Variants in RAB3B observed in about 807,000 individuals in gnomAD.
The protein encoded by RAB3B is ras-related protein Rab-3B.
RAB3B carries 11 observed loss-of-function variants against 20.5 expected under a neutral mutation model. The observed-to-expected ratio is 0.54, with a 90% CI of 0.34 to 0.89. The LOEUF (loss-of-function observed/expected upper bound fraction) is 0.89, where lower values mean the gene tolerates loss of function less well. Among genes scored for constraint, RAB3B ranks in the 40% least tolerant of loss-of-function variants. The pLI is 0.02. For missense variants in RAB3B, 225 were observed against 280.9 expected, an observed-to-expected ratio of 0.80 and a Z score of 1.42; for synonymous variants, 99 against 106.3, an observed-to-expected ratio of 0.93 and a Z score of 0.42.
At chr1:51,977,192 C>T (rs905319966) in intron 1 of RAB3B, 75 bp from the exon 2 acceptor site, 2 of 1,082,308 alleles carry the variant, frequency 1.8e-6, no homozygotes, top group East Asian at 4.8e-5. Flanking sequence ...CTAATGGTCA[C>T]CCCACCATTC....
chr1:51,924,116 G>A (rs1684211164), intron 4 of RAB3B, among the ~76,000 whole-genome samples: 1 of 152,142 alleles, frequency 6.6e-6, no homozygotes, highest in South Asian at 2.1e-4. Context: ...GAATTAAGGA[G>A]GTGGGAATGA....
At chr1:51,979,363 T>G (rs528451349) in intron 1 of RAB3B, among the ~76,000 whole-genome samples, 3 of 150,994 alleles carry the variant, frequency 2.0e-5, no homozygotes, top group African/African-American at 7.3e-5. Flanking sequence ...CTCTGCCCCC[T>G]GAGTTCAAGC....
At chr1:51,934,454 A>G (rs749191813) in intron 3 of RAB3B, among the ~76,000 whole-genome samples, 1 of 152,174 alleles carries the variant, frequency 6.6e-6, no homozygotes, top group Admixed American at 6.5e-5. Flanking sequence ...TTACCTTCAT[A>G]TAAGATGATT....
At position 51,918,585 on chromosome 1, in the gene RAB3B, T is replaced by G. The variant is rs891504389; in HGVS notation, c.*1342A>C. The G allele has an allele frequency of 1.3e-5, 2 of 152,180 alleles. No homozygotes were observed. Among genetic ancestry groups the G allele is most frequent in the Non-Finnish European group, 2.9e-5 (2 of 68,048 alleles). The allele number at this position is 152,180 out of a possible 1,614,324, so 9.4% of individuals were successfully genotyped here. A position where few individuals can be genotyped will look rare whatever the true frequency, so the allele number is the denominator to read the frequency against. On this transcript the variant is annotated 3_prime_UTR_variant, in exon 5 of 5. Coordinates refer to ENST00000371655, the MANE Select transcript of RAB3B (RefSeq NM_002867.4). ...ATTTGAGCTCGATACAAGGAAAACT[T>G]TCTATGAGAGTTGACAAAGATGGTG...
At position 51,918,532 on chromosome 1, in the gene RAB3B, A is replaced by G. The variant is rs2124225972; in HGVS notation, c.*1395T>C. ...GCAGAGCTGGTACCAACAGGGAGGG[A>G]AGAAGAAGAAGAATTTCCAGGAGGC... On this transcript the variant is annotated 3_prime_UTR_variant, in exon 5 of 5. Transcript: ENST00000371655. The G allele has an allele frequency of 6.6e-6, 1 of 152,304 alleles. No homozygotes were observed. 9.4% of individuals were successfully genotyped at this position (152,304 alleles called of 1,614,324 possible).
chr1:51,925,202 T>A (rs1684228624), intron 4 of RAB3B, among the ~76,000 whole-genome samples: 1 of 152,166 alleles, frequency 6.6e-6, no homozygotes, highest in South Asian at 2.1e-4. Flanking sequence ...CCCTTCTCCA[T>A]CCTGCTCTGA....
At chr1:51,941,419 G>A (rs938455431) in intron 2 of RAB3B, among the ~76,000 whole-genome samples, 3 of 152,148 alleles carry the variant, frequency 2.0e-5, no homozygotes, top group Non-Finnish European at 4.4e-5. Flanking sequence ...GAAGAGATAG[G>A]AGGCAGGAAG....
intron 2 of RAB3B, among the ~76,000 whole-genome samples, chr1:51,960,642 C>G (rs1684772535): frequency 6.6e-6 from 1 of 152,154 alleles, no homozygotes; most frequent in South Asian, 2.1e-4. Flanking sequence ...CAGGCAGGTT[C>G]CAAGCAGGCT....
chr1:51,939,575 A>C (rs1684461605), intron 2 of RAB3B, among the ~76,000 whole-genome samples: 1 of 152,104 alleles, frequency 6.6e-6, no homozygotes, highest in African/African-American at 2.4e-5. Context: ...GGCGCTCGCC[A>C]GTGTACCCAG....
chr1:51,968,311 AAACT>A (rs1684883674), intron 2 of RAB3B, among the ~76,000 whole-genome samples: 1 of 152,262 alleles, frequency 6.6e-6, no homozygotes, highest in Admixed American at 6.5e-5. Flanking sequence ...CAGCAACAGG[AAACT>A]AATAGAGAAG....
In RAB3B at chr1:51,919,022, G is replaced by T. The variant is rs1280012148; in HGVS notation, c.*905C>A. ...GACGGAGTCTCGCTCTGTCGCCCAG[G>T]CCGGACTGCGGACTGCAGTGGCGCA... On this transcript the variant is annotated 3_prime_UTR_variant, in exon 5 of 5. Coordinates refer to ENST00000371655, the MANE Select transcript of RAB3B (RefSeq NM_002867.4). 1 of 147,004 alleles carries T rather than the reference G, an allele frequency of 6.8e-6. No individual in the cohort carries two copies. Among genetic ancestry groups the T allele is most frequent in the Non-Finnish European group, 1.5e-5 (1 of 67,362 alleles). 9.1% of individuals were successfully genotyped at this position (147,004 alleles called of 1,614,324 possible).
chr1:51,911,165 G>C lies in RAB3B; in HGVS notation c.*8762C>G, dbSNP rs1205071278. ...TACCTGCTGGATACCTGGGAAGCCA[G>C]ACTCTGTGTGGACAGTGATCCCTAG... On this transcript the variant is annotated 3_prime_UTR_variant, in exon 5 of 5. Coordinates refer to ENST00000371655, the MANE Select transcript of RAB3B (RefSeq NM_002867.4). 1 of 152,236 alleles carries C rather than the reference G, an allele frequency of 6.6e-6. No homozygotes were observed. The highest frequency in any genetic ancestry group is 1.9e-4 in the East Asian group (1 of 5,194). The allele number at this position is 152,236 out of a possible 1,614,324, so 9.4% of individuals were successfully genotyped here.
intron 2 of RAB3B, among the ~76,000 whole-genome samples, chr1:51,973,735 A>T (rs966380392): frequency 2.1e-4 from 32 of 152,200 alleles, no homozygotes; most frequent in African/African-American, 7.5e-4. Flanking sequence ...GTAATCAATA[A>T]ATCCACTTAC....
Position 51,908,570 on chromosome 1 carries a change from T to C in RAB3B, c.*11357A>G, listed in dbSNP as rs1351421727. The stretch of plus-strand genomic sequence containing the variant: ...CTCCAGGGTTTAATTCTGTTGGGGT[T>C]GTGGGGCTGACAACAATGTGTTCCT... On this transcript the variant is annotated 3_prime_UTR_variant, in exon 5 of 5. Coordinates refer to ENST00000371655, the MANE Select transcript of RAB3B (RefSeq NM_002867.4). 1 of 151,666 alleles carries C rather than the reference T, an allele frequency of 6.6e-6. No individual in the cohort carries two copies. The highest frequency in any genetic ancestry group is 1.5e-5 in the Non-Finnish European group (1 of 67,994). 9.4% of individuals were successfully genotyped at this position (151,666 alleles called of 1,614,324 possible).
chr1:51,926,460 T>C (rs958328861), intron 4 of RAB3B, among the ~76,000 whole-genome samples: 3 of 152,240 alleles, frequency 2.0e-5, no homozygotes, highest in Admixed American at 2.0e-4. Flanking sequence ...GCAGAAGTGA[T>C]GTGATCCAAG....
intron 2 of RAB3B, among the ~76,000 whole-genome samples, chr1:51,952,679 G>A (rs981735971): frequency 7.2e-5 from 11 of 151,894 alleles, no homozygotes; most frequent in African/African-American, 2.7e-4. Flanking sequence ...ATGAATAAAG[G>A]AATGAACAAA....
At chr1:51,970,420 T>G (rs1571976624) in intron 2 of RAB3B, among the ~76,000 whole-genome samples, 1 of 152,108 alleles carries the variant, frequency 6.6e-6, no homozygotes, top group East Asian at 1.9e-4. Flanking sequence ...AAGACTTTCT[T>G]CTCTGATCCA....
intron 2 of RAB3B, among the ~76,000 whole-genome samples, chr1:51,966,709 C>A (rs1684856877): frequency 6.6e-6 from 1 of 152,168 alleles, no homozygotes; most frequent in Non-Finnish European, 1.5e-5. Context: ...GCAGCCACAC[C>A]AGGAAACTTG....
intron 4 of RAB3B, among the ~76,000 whole-genome samples, chr1:51,923,591 T>C (rs919776467): frequency 1.3e-5 from 2 of 151,994 alleles, no homozygotes; most frequent in Non-Finnish European, 2.9e-5. Context: ...TGGCACTGCC[T>C]GTAATCCCAG....
Sources: allele counts gnomAD v4.1 joint callset (sites outside exome capture counted in the v4.1 genomes callset), GRCh38; gene constraint gnomAD v4.1.1; transcripts MANE v1.5; gene names NCBI Gene and HGNC (gene_info 2026-07-23, HGNC 2026-07-21).